Variants in ERC2 observed in about 807,000 individuals in gnomAD.
ERC2 encodes ERC protein 2.
In ERC2, 42 loss-of-function variants were observed where a neutral mutation model predicts 114.8. That is an observed-to-expected ratio of 0.37 (90% CI 0.29 to 0.47). The LOEUF is 0.47. ERC2 is among the 20% of genes least tolerant of loss of function. The pLI is 0.99. For synonymous variants in ERC2, 454 were observed against 425.5 expected (o/e 1.07, Z -0.82); for missense variants, 939 against 1,150.7 (o/e 0.82, Z 2.66).
intron 16 of ERC2, among the ~76,000 whole-genome samples, chr3:55,691,542 T>C (rs1156991154): frequency 1.3e-4 from 4 of 31,280 alleles, no homozygotes; most frequent in African/African-American, 2.9e-4. Context: ...AGATTTGCAA[T>C]GCAAAAAAAA....
In ERC2 at chr3:56,158,489, T is replaced by C. The variant is rs149867412; in HGVS notation, c.1150-9357A>G. 2.1e-3 allele frequency among the ~76,000 whole-genome samples: 315 copies of C among 152,276 alleles called. 1 individual carries two copies. Among genetic ancestry groups the C allele is most frequent in the African/African-American group, 7.3e-3 (302 of 41,552 alleles). ...CCTCTTTTTTACAGATAAAACTCAA[T>C]TTTCAAACTCAAAGGGAAGAGATGG... On this transcript the variant is annotated intron_variant, in intron 4 of 17. Transcript: ENST00000288221.
intron 14 of ERC2, among the ~76,000 whole-genome samples, chr3:55,832,505 A>T (rs1385107612): frequency 2.0e-5 from 3 of 152,246 alleles, no homozygotes; most frequent in Non-Finnish European, 4.4e-5. Context: ...CAGGGTCTGG[A>T]GTGGACCTCT....
At chr3:56,174,304 T>A (rs1560307408) in intron 3 of ERC2, among the ~76,000 whole-genome samples, 1 of 152,208 alleles carries the variant, frequency 6.6e-6, no homozygotes, top group Non-Finnish European at 1.5e-5. Flanking sequence ...TGTTGAGACT[T>A]TGAAAAGTTG....
intron 6 of ERC2, among the ~76,000 whole-genome samples, chr3:56,136,433 T>A (rs973565985): frequency 2.0e-5 from 3 of 151,844 alleles, no homozygotes; most frequent in African/African-American, 7.3e-5. Flanking sequence ...TTTTTTTTTT[T>A]AACCTTTTAT....
intron 17 of ERC2, among the ~76,000 whole-genome samples, chr3:55,566,912 G>A (rs549285926): frequency 6.6e-6 from 1 of 152,232 alleles, no homozygotes; most frequent in South Asian, 2.1e-4. Context: ...TGCTGGCCAG[G>A]CTAGTCTGGA....
chr3:56,101,259 A>G (rs2078338971), intron 6 of ERC2, among the ~76,000 whole-genome samples: 1 of 152,168 alleles, frequency 6.6e-6, no homozygotes, highest in African/African-American at 2.4e-5. Context: ...AGGAAAACGG[A>G]CATCACAAGA....
chr3:55,981,486 C>T (rs9637478), intron 12 of ERC2, among the ~76,000 whole-genome samples: 47,179 of 152,014 alleles, frequency 0.31, 7,399 homozygotes, highest in Admixed American at 0.39. Flanking sequence ...GTATTGGTCT[C>T]TGAATTTGGT....
chr3:56,057,338 C>A (rs1325875466), intron 7 of ERC2, among the ~76,000 whole-genome samples: 2 of 152,124 alleles, frequency 1.3e-5, no homozygotes, highest in Non-Finnish European at 2.9e-5. Context: ...ATAATAACTC[C>A]TTATCTTAAC....
At chr3:55,709,396 G>A (rs1446219064) in intron 15 of ERC2, among the ~76,000 whole-genome samples, 1 of 152,164 alleles carries the variant, frequency 6.6e-6, no homozygotes, top group Admixed American at 6.5e-5. Flanking sequence ...ATCAAAGAGA[G>A]GTTTCATAGA....
rs1439350850 is a variant in ERC2, at chr3:55,675,894, CTTTTCTT to C, written c.*39+7893_*39+7899del. 5.1e-3 allele frequency among the ~76,000 whole-genome samples: 357 copies of C among 70,482 alleles called. 4 individuals are homozygous for C. The highest frequency in any genetic ancestry group is 0.017 in the African/African-American group (326 of 19,090). 46.2% of individuals were successfully genotyped at this position (70,482 alleles called of 152,430 possible). On this transcript the variant is annotated intron_variant, in intron 17 of 17. Coordinates refer to ENST00000288221, the MANE Select transcript of ERC2 (RefSeq NM_015576.3). Reference sequence around the variant, plus strand: ...AAAAACCCTTTCCATCTTTCTTTCTCTTTTCTTTCTTTTTTTTTTTTTTTTTTTTTTT... The same window carrying C: ...AAAAACCCTTTCCATCTTTCTTTCTCTCTTTTTTTTTTTTTTTTTTTTTTT...
chr3:55,672,336 C>T (rs1181711416), intron 17 of ERC2, among the ~76,000 whole-genome samples: 1 of 135,120 alleles, frequency 7.4e-6, no homozygotes, highest in African/African-American at 2.7e-5. Context: ...AGGACCCTAT[C>T]TCAAAAAAAA....
intron 2 of ERC2, among the ~76,000 whole-genome samples, chr3:56,310,883 T>C (rs899136974): frequency 1.4e-5 from 2 of 145,400 alleles, no homozygotes; most frequent in African/African-American, 2.5e-5. Context: ...TCCCTAAACT[T>C]AAAAAAAAAA....
chr3:55,595,139 G>C (rs1042962664), intron 17 of ERC2, among the ~76,000 whole-genome samples: 1 of 152,168 alleles, frequency 6.6e-6, no homozygotes, highest in Admixed American at 6.5e-5. Flanking sequence ...ACTCAGAAAG[G>C]TTCATTAACT....
At chr3:55,714,165 A>C (rs1031745118) in intron 15 of ERC2, among the ~76,000 whole-genome samples, 2 of 152,168 alleles carry the variant, frequency 1.3e-5, no homozygotes, top group Non-Finnish European at 2.9e-5. Context: ...AAATTCAGAA[A>C]AGCCTAAAAA....
chr3:55,738,927 C>A lies in ERC2; in HGVS notation c.2565-4009G>T, dbSNP rs183207169. On this transcript the variant is annotated intron_variant, in intron 14 of 17. Coordinates refer to ENST00000288221, the MANE Select transcript of ERC2 (RefSeq NM_015576.3). Reference sequence around the variant, plus strand: ...CCTCCACTAGCCCACCAACCCCTGACAGGCCCCAGTGTGTGATGTTCCCCT... The same window carrying A: ...CCTCCACTAGCCCACCAACCCCTGAAAGGCCCCAGTGTGTGATGTTCCCCT... Among the ~76,000 whole-genome samples, 16 of 152,230 alleles carry A rather than the reference C, an allele frequency of 1.1e-4. No homozygotes were observed. The East Asian group carries it at 2.9e-3, about 28-fold the overall frequency.
rs1341096114 is a variant in ERC2, at chr3:55,734,788, G to A, written c.2695C>T (p.His899Tyr). 1.2e-6 allele frequency: 2 copies of A among 1,612,354 alleles called. No individual in the cohort carries two copies. Among genetic ancestry groups the A allele is most frequent in the Non-Finnish European group, 1.7e-6 (2 of 1,179,196 alleles). ...ALKREKDRLVHQLKQQTQNRM... is the reference protein window; with the variant it reads ...ALKREKDRLVYQLKQQTQNRM... ...GGCCCCACCTGCTGCTTTAATTGAT[G>A]TACTAGTCGGTCTTTTTCCCGCTTG... The change falls in exon 15 of 18, where the codon CAT (histidine) becomes TAT (tyrosine). Residue 899 changes from histidine to tyrosine, a missense_variant. This residue lies in a region of ERC2 where 328 missense variants were observed against 353.9 expected (regional missense o/e 0.93). Transcript: ENST00000288221.
chr3:55,938,109 A>G (rs961640824), intron 13 of ERC2, among the ~76,000 whole-genome samples: 4 of 149,934 alleles, frequency 2.7e-5, no homozygotes, highest in African/African-American at 7.5e-5. Context: ...CTGTCTGTCC[A>G]TTAGACAGGG....
intron 17 of ERC2, among the ~76,000 whole-genome samples, chr3:55,523,278 G>C (rs1486065709): frequency 6.6e-6 from 1 of 152,236 alleles, no homozygotes; most frequent in Non-Finnish European, 1.5e-5. Flanking sequence ...TTGGGAGCTA[G>C]TCCCTTGAGT....
At chr3:55,658,040 G>C (rs1271007971) in intron 17 of ERC2, 2 of 152,154 alleles carry the variant, frequency 1.3e-5, no homozygotes, top group African/African-American at 4.8e-5. Context: ...AATAAGGGAT[G>C]CAATTTCTAT....
Sources: gnomAD v4.1 joint callset for allele counts (sites outside exome capture counted in the v4.1 genomes callset) on GRCh38, gnomAD v4.1.1 for gene constraint, gnomAD v4.1.1 regional missense constraint, MANE v1.5 for transcripts, NCBI Gene and HGNC (gene_info 2026-07-23, HGNC 2026-07-21) for gene names.